LCTL: variants seen among roughly 807,000 people sequenced by gnomAD.
LCTL encodes the protein lactase-like protein.
A neutral mutation model predicts 75.8 loss-of-function variants in LCTL; 76 were observed. That is an observed-to-expected ratio of 1.00 (90% CI 0.83 to 1.21). The LOEUF is 1.21. Ranked by LOEUF, LCTL falls within the 50% of genes most tolerant of loss-of-function variation. The pLI, the probability that LCTL is intolerant of heterozygous loss-of-function variation, is 0.00. For missense variants in LCTL, 670 were observed against 712.4 expected (o/e 0.94, Z 0.68); for synonymous variants, 271 against 268.8 (o/e 1.01, Z -0.08).
chr15:66,559,362 T>A (rs951270443), intron 6 of LCTL, among the ~76,000 whole-genome samples: 1 of 152,204 alleles, frequency 6.6e-6, no homozygotes, highest in Admixed American at 6.5e-5. Flanking sequence ...AATAACCAAG[T>A]GAATCATGGT....
chr15:66,548,221 T>G (rs911851729), exon 13 of LCTL: 2 of 251,002 alleles, frequency 8.0e-6, no homozygotes, highest in Non-Finnish European at 1.5e-5. Context: ...ATGCCATTTT[T>G]GTAAATAATT....
chr15:66,558,005 G>A (rs770467661), exon 7 of LCTL: 1 of 1,607,926 alleles, frequency 6.2e-7, no homozygotes, highest in South Asian at 1.1e-5. Flanking sequence ...GCGCCACGTG[G>A]TGTTATAAGA....
exon 1 of LCTL, chr15:66,565,386 A>C: frequency 6.7e-7 from 1 of 1,495,120 alleles, no homozygotes; most frequent in Non-Finnish European, 9.2e-7. Context: ...CCTCCCCCAT[A>C]CCTGAAAAAG....
chr15:66,558,001 C>T lies in LCTL; in HGVS notation c.741G>A (p.Thr247=), dbSNP rs188487398. The change falls in exon 7 of 13, where the codon ACG becomes ACA. Residue 247 remains threonine, a synonymous_variant. Coordinates refer to ENST00000341509, the Ensembl canonical transcript of LCTL. The stretch of plus-strand genomic sequence containing the variant: ...GCTCACCTTGCTGCTTGCTGCGCCA[C>T]GTGGTGTTATAAGAATGCCAGGCTT... 8 of 1,608,332 alleles carry T rather than the reference C, an allele frequency of 5.0e-6. No homozygotes were observed. The East Asian group carries it at 6.7e-5, about 13-fold the overall frequency.
At chr15:66,555,823 A>G (rs940516792) in intron 8 of LCTL, among the ~76,000 whole-genome samples, 2 of 152,240 alleles carry the variant, frequency 1.3e-5, no homozygotes, top group African/African-American at 2.4e-5. Flanking sequence ...ACTCAACAAC[A>G]AAAACAACCC....
At chr15:66,550,540 GA>G (rs1895559282) in intron 11 of LCTL, among the ~76,000 whole-genome samples, 1 of 152,020 alleles carries the variant, frequency 6.6e-6, no homozygotes, top group Admixed American at 6.6e-5. Context: ...GAGTGCAGTG[GA>G]GCAATCATAG....
chr15:66,564,696 C>T (rs1427195475), exon 2 of LCTL: 1 of 1,612,984 alleles, frequency 6.2e-7, no homozygotes, highest in Admixed American at 1.7e-5. Flanking sequence ...TAGTAGCCGT[C>T]ACAGGCTACA....
intron 4 of LCTL, among the ~76,000 whole-genome samples, chr15:66,561,813 C>T (rs1032707499): frequency 2.0e-5 from 3 of 152,156 alleles, no homozygotes; most frequent in African/African-American, 7.2e-5. Flanking sequence ...TCCCTAAAGC[C>T]TGCTCTGCCC....
At chr15:66,555,340 T>G (rs755124760) in intron 8 of LCTL, among the ~76,000 whole-genome samples, 16 of 151,382 alleles carry the variant, frequency 1.1e-4, no homozygotes, top group Non-Finnish European at 1.9e-4. Context: ...TCCATCTCAC[T>G]CTCCCAAAGT....
intron 8 of LCTL, among the ~76,000 whole-genome samples, chr15:66,557,278 C>T (rs1895761832): frequency 6.6e-6 from 1 of 152,154 alleles, no homozygotes; most frequent in African/African-American, 2.4e-5. Context: ...ATTGATATAT[C>T]CCTGTAAGCC....
Position 66,560,011 on chromosome 15 carries a change from C to T in LCTL, c.705+995G>A, listed in dbSNP as rs564214019. ...ATGAGGCAGGAGAATGGCTTGAACC[C>T]GGGAGGCGGAGGTTGCAGTGAGCCG... On this transcript the variant is annotated intron_variant, in intron 6 of 12. Coordinates refer to ENST00000341509, the Ensembl canonical transcript of LCTL. Among the ~76,000 whole-genome samples the T allele has an allele frequency of 2.6e-3, 400 of 151,958 alleles. 3 individuals carry two copies. Among genetic ancestry groups the T allele is most frequent in the African/African-American group, 8.5e-3 (354 of 41,430 alleles).
chr15:66,551,130 C>T (rs777566509), intron 11 of LCTL, among the ~76,000 whole-genome samples: 6 of 151,796 alleles, frequency 4.0e-5, no homozygotes, highest in East Asian at 3.9e-4. Flanking sequence ...GGGCAGATCA[C>T]GAGGTCAAGA....
rs550609450 is a variant in LCTL, at chr15:66,555,862, T to C, written c.922+1860A>G. Among the ~76,000 whole-genome samples the C allele has an allele frequency of 5.3e-5, 8 of 152,300 alleles. No homozygotes were observed. In the East Asian group the frequency reaches 1.5e-3, roughly 29 times the overall value. ...TCAAAAATGGGCAAAGAACTTGAAT[T>C]GGCATTTTTTCTAAAGAAGATCTAC... On this transcript the variant is annotated intron_variant, in intron 8 of 12. Transcript: ENST00000341509.
intron 12 of LCTL, 175 bp downstream of exon 13, chr15:66,549,866 G>T: frequency 2.1e-6 from 1 of 466,020 alleles, no homozygotes; most frequent in South Asian, 4.5e-5. Context: ...TAGATTAAAT[G>T]CTTTAAAATG....
Position 66,552,497 on chromosome 15 carries a change from C to G in LCTL, c.1198-328G>C, listed in dbSNP as rs558068779. Among the ~76,000 whole-genome samples, 5 of 151,688 alleles carry G rather than the reference C, an allele frequency of 3.3e-5. No individual in the cohort carries two copies. The East Asian group carries it at 9.7e-4, about 29-fold the overall frequency. On this transcript the variant is annotated intron_variant, in intron 9 of 12. Coordinates refer to ENST00000341509, the Ensembl canonical transcript of LCTL. ...ACCAGCCTGGCCAACATGGTGAAAA[C>G]CTGTCTCTACTAAAAATACAAAAAT...
chr15:66,563,748 G>T, intron 3 of LCTL, 123 bp from the exon 5 acceptor site: 1 of 856,692 alleles, frequency 1.2e-6, no homozygotes. Context: ...CAGCCCACCA[G>T]CATTCTGGGA....
chr15:66,561,160 T>G (rs376832085), intron 5 of LCTL, 27 bp downstream of exon 6: 46 of 1,613,928 alleles, frequency 2.9e-5, no homozygotes, highest in Non-Finnish European at 3.7e-5. Flanking sequence ...AGTGTCACAT[T>G]CTCCCACCTG....
At chr15:66,559,551 C>CA (rs1188516313) in intron 6 of LCTL, among the ~76,000 whole-genome samples, 2 of 151,332 alleles carry the variant, frequency 1.3e-5, no homozygotes, top group Admixed American at 6.6e-5. Flanking sequence ...ACTAAAAATT[C>CA]AAAAAAATTA....
At chr15:66,553,961 G>T (rs1895681417) in intron 8 of LCTL, among the ~76,000 whole-genome samples, 2 of 151,370 alleles carry the variant, frequency 1.3e-5, no homozygotes, top group African/African-American at 4.9e-5. Flanking sequence ...TTCGCGACCA[G>T]CCTGGCTAAC....
Sources: allele counts gnomAD v4.1 joint callset (sites outside exome capture counted in the v4.1 genomes callset), GRCh38; gene constraint gnomAD v4.1.1; transcripts MANE v1.5; gene names NCBI Gene and HGNC (gene_info 2026-07-23, HGNC 2026-07-21).